EXOC2: variants seen among roughly 807,000 people sequenced by gnomAD.
EXOC2 encodes the protein exocyst complex component 2, also known as SEC5-like 1.
In EXOC2, 70 loss-of-function variants were observed where a neutral mutation model predicts 131.8. The ratio of observed to expected loss-of-function variants is 0.53; its 90% confidence interval spans 0.44 to 0.65. The LOEUF is 0.65. EXOC2 is among the 30% of genes least tolerant of loss of function. The pLI is 0.00. For synonymous variants in EXOC2, 411 were observed against 398.4 expected (o/e 1.03, Z -0.38); for missense variants, 923 against 1,108.6 (o/e 0.83, Z 2.38).
In EXOC2 at chr6:549,308, T is replaced by C. The variant is rs75675312; in HGVS notation, c.2122-17A>G. On this transcript the variant is annotated splice_polypyrimidine_tract_variant and intron_variant, in intron 21 of 27. Transcript: ENST00000230449. Reference sequence around the variant, plus strand: ...GCGCTGTTCCTAAAAGCAAAACAAATGTTTAGAAAATCACCTTTATGGTGC... The same window carrying C: ...GCGCTGTTCCTAAAAGCAAAACAAACGTTTAGAAAATCACCTTTATGGTGC... The C allele has an allele frequency of 2.0e-3, 3,114 of 1,588,016 alleles. 42 individuals are homozygous for C. The African/African-American group carries it at 0.037, about 19-fold the overall frequency.
chr6:639,515 G>A lies in EXOC2; in HGVS notation c.-43-1654C>T, dbSNP rs182962470. ...CCTGCCCTTGCCACTGTGAGCAGGT[G>A]TGCAAGCCCCTCCTGCCAATCCCAC... is the stretch of plus-strand genomic sequence containing the variant. On this transcript the variant is annotated intron_variant, in intron 1 of 27. Transcript: ENST00000230449. Among the ~76,000 whole-genome samples the A allele has an allele frequency of 9.2e-5, 14 of 151,694 alleles. No individual in the cohort carries two copies. The East Asian group carries it at 2.7e-3, about 29-fold the overall frequency.
At chr6:534,790 G>A (rs1766340061) in intron 22 of EXOC2, among the ~76,000 whole-genome samples, 2 of 152,226 alleles carry the variant, frequency 1.3e-5, no homozygotes, top group South Asian at 4.1e-4. Context: ...ATAACTCTGA[G>A]TTCCCTCTCG....
At chr6:541,894 T>A (rs1421814810) in intron 22 of EXOC2, among the ~76,000 whole-genome samples, 4 of 152,176 alleles carry the variant, frequency 2.6e-5, no homozygotes, top group African/African-American at 9.7e-5. Context: ...TTATGCAAAC[T>A]CTTTCAAAGA....
At chr6:529,913 A>G (rs1434164528) in intron 23 of EXOC2, among the ~76,000 whole-genome samples, 1 of 152,224 alleles carries the variant, frequency 6.6e-6, no homozygotes, top group East Asian at 1.9e-4. Flanking sequence ...ATTACCGAAA[A>G]ATGTATTACT....
At chr6:606,025 C>T (rs1353128905) in intron 7 of EXOC2, among the ~76,000 whole-genome samples, 5 of 152,066 alleles carry the variant, frequency 3.3e-5, no homozygotes, top group African/African-American at 9.7e-5. Context: ...AGTGAGTTTC[C>T]ATCAATGACA....
intron 17 of EXOC2, among the ~76,000 whole-genome samples, chr6:559,486 T>C (rs1757588448): frequency 6.6e-6 from 1 of 152,230 alleles, no homozygotes; most frequent in South Asian, 2.1e-4. Flanking sequence ...GACCTCTGGC[T>C]AGACAATGTC....
At chr6:583,156 C>G (rs1298373927) in intron 11 of EXOC2, among the ~76,000 whole-genome samples, 1 of 152,014 alleles carries the variant, frequency 6.6e-6, no homozygotes, top group African/African-American at 2.4e-5. Context: ...ATGCTTAGAA[C>G]ATATAAAGGA....
chr6:618,872 T>C (rs949974996), intron 5 of EXOC2, among the ~76,000 whole-genome samples: 10 of 152,270 alleles, frequency 6.6e-5, no homozygotes, highest in African/African-American at 2.4e-4. Flanking sequence ...TGAATATAAT[T>C]ATTTTAAATC....
chr6:586,962 C>T (rs1269265898), intron 11 of EXOC2, among the ~76,000 whole-genome samples: 1 of 152,180 alleles, frequency 6.6e-6, no homozygotes, highest in Non-Finnish European at 1.5e-5. Context: ...CAGATTTCTT[C>T]CACATCTAAA....
At chr6:501,582 A>ATAT (rs1764187945) in intron 23 of EXOC2, among the ~76,000 whole-genome samples, 1 of 48,144 alleles carries the variant, frequency 2.1e-5, no homozygotes. Flanking sequence ...ATCTATATAT[A>ATAT]ATATCTATAT....
intron 6 of EXOC2, among the ~76,000 whole-genome samples, chr6:613,019 T>C (rs942408923): frequency 5.9e-5 from 9 of 152,030 alleles, no homozygotes; most frequent in Non-Finnish European, 1.0e-4. Flanking sequence ...AGGAAGGCCT[T>C]TCACACTACA....
At chr6:527,698 T>G (rs550416714) in intron 23 of EXOC2, among the ~76,000 whole-genome samples, 1 of 152,248 alleles carries the variant, frequency 6.6e-6, no homozygotes, top group Middle Eastern at 3.2e-3. Flanking sequence ...TCACAAATTA[T>G]ATAAAGTTTT....
intron 22 of EXOC2, among the ~76,000 whole-genome samples, chr6:533,460 G>A (rs981038965): frequency 6.6e-6 from 1 of 152,052 alleles, no homozygotes; most frequent in African/African-American, 2.4e-5. Context: ...TCTGCTTGAG[G>A]GGCGTGCAGG....
intron 1 of EXOC2, among the ~76,000 whole-genome samples, chr6:660,106 C>CAT: frequency 6.6e-6 from 1 of 151,854 alleles, no homozygotes; most frequent in Non-Finnish European, 1.5e-5. Flanking sequence ...TGACAACCTG[C>CAT]ATGACTCAGC....
intron 26 of EXOC2, 62 bp downstream of exon 26, chr6:491,063 T>C (rs921354159): frequency 3.1e-5 from 47 of 1,529,500 alleles, no homozygotes; most frequent in South Asian, 2.0e-4. Flanking sequence ...GAGGACAGAA[T>C]TGACTAGTAA....
At chr6:546,546 A>T (rs1415375264) in intron 22 of EXOC2, among the ~76,000 whole-genome samples, 2 of 152,102 alleles carry the variant, frequency 1.3e-5, no homozygotes, top group Non-Finnish European at 2.9e-5. Context: ...CCACTTATAC[A>T]CGCATTTTCT....
chr6:632,936 T>C lies in EXOC2; in HGVS notation c.295+5A>G. ...TCTTTAGAATAAACCCATGAAAGACTTTACCTATTTTCTCAGGTTTGAGTA... is the reference window on the plus strand; with the variant it reads ...TCTTTAGAATAAACCCATGAAAGACCTTACCTATTTTCTCAGGTTTGAGTA... On this transcript the variant is annotated splice_donor_5th_base_variant and intron_variant, in intron 3 of 27. Transcript: ENST00000230449. 1 of 1,603,904 alleles carries C rather than the reference T, an allele frequency of 6.2e-7. No homozygotes were observed. Among genetic ancestry groups the C allele is most frequent in the Non-Finnish European group, 8.5e-7 (1 of 1,175,020 alleles).
chr6:585,462 G>A (rs575237304), intron 11 of EXOC2, among the ~76,000 whole-genome samples: 5 of 152,278 alleles, frequency 3.3e-5, no homozygotes, highest in African/African-American at 9.6e-5. Context: ...GTCCAGACAA[G>A]GATCTAATGC....
At chr6:505,350 G>A (rs1382043478) in intron 23 of EXOC2, among the ~76,000 whole-genome samples, 1 of 152,162 alleles carries the variant, frequency 6.6e-6, no homozygotes, top group Non-Finnish European at 1.5e-5. Flanking sequence ...TGCTTCTGTG[G>A]CGACATCTGA....
Sources: allele counts gnomAD v4.1 joint callset (sites outside exome capture counted in the v4.1 genomes callset), GRCh38; gene constraint gnomAD v4.1.1; transcripts MANE v1.5; gene names NCBI Gene and HGNC (gene_info 2026-07-23, HGNC 2026-07-21).